CEP112: variants seen among roughly 807,000 people sequenced by gnomAD.
CEP112 encodes centrosomal protein 112.
CEP112 carries 127 observed loss-of-function variants against 153.0 expected under a neutral mutation model. The ratio of observed to expected loss-of-function variants is 0.83; its 90% confidence interval spans 0.72 to 0.96. The LOEUF is 0.96. Ranked by LOEUF, CEP112 falls within the 40% of genes least tolerant of loss-of-function variation. The pLI, the probability that CEP112 is intolerant of heterozygous loss-of-function variation, is 0.00. For missense variants in CEP112, 1,089 were observed against 1,101.2 expected, an observed-to-expected ratio of 0.99 and a Z score of 0.16; for synonymous variants, 358 against 374.4, an observed-to-expected ratio of 0.96 and a Z score of 0.51.
At chr17:65,819,805 A>G (rs967643824) in intron 21 of CEP112, among the ~76,000 whole-genome samples, 3 of 152,192 alleles carry the variant, frequency 2.0e-5, no homozygotes, top group African/African-American at 7.2e-5. Flanking sequence ...AAGATCAGGA[A>G]AGACAGGGGA....
chr17:65,837,002 G>A (rs1188507687), intron 21 of CEP112, among the ~76,000 whole-genome samples: 5 of 152,192 alleles, frequency 3.3e-5, no homozygotes, highest in African/African-American at 4.8e-5. Flanking sequence ...ACGGGGTTTC[G>A]CCGTGTTGGC....
chr17:66,116,661 A>C (rs373839194), intron 6 of CEP112, among the ~76,000 whole-genome samples: 2 of 152,126 alleles, frequency 1.3e-5, no homozygotes, highest in African/African-American at 2.4e-5. Flanking sequence ...GCTTTATTCA[A>C]ATGAACTCAT....
At chr17:65,870,094 G>GAAAGAAAAGAAAGAAAT (rs1490459702) in intron 20 of CEP112, among the ~76,000 whole-genome samples, 3 of 125,374 alleles carry the variant, frequency 2.4e-5, no homozygotes, top group African/African-American at 8.3e-5. Context: ...AAGAAAGAAA[G>GAAAGAAAAGAAAGAAAT]AGAAAATACA....
At chr17:65,881,555 A>G (rs1472372676) in intron 20 of CEP112, among the ~76,000 whole-genome samples, 4 of 152,210 alleles carry the variant, frequency 2.6e-5, no homozygotes, top group Non-Finnish European at 2.9e-5. Flanking sequence ...GTTTCTGAAG[A>G]TGATCTCAGA....
intron 23 of CEP112, among the ~76,000 whole-genome samples, chr17:65,718,667 T>C (rs1038888310): frequency 6.6e-6 from 1 of 152,192 alleles, no homozygotes; most frequent in Non-Finnish European, 1.5e-5. Flanking sequence ...GATTTTTATG[T>C]CATGAAATAA....
chr17:65,654,975 T>C (rs1347239511), intron 24 of CEP112: 4 of 686,348 alleles, frequency 5.8e-6, no homozygotes, highest in Admixed American at 1.8e-5. Context: ...CCAATAGTGA[T>C]TGGCAAAGGG....
At chr17:65,802,349 C>T (rs891265590) in intron 21 of CEP112, among the ~76,000 whole-genome samples, 1 of 152,120 alleles carries the variant, frequency 6.6e-6, no homozygotes, top group African/African-American at 2.4e-5. Flanking sequence ...TTTCTCTGGG[C>T]AATATCATAC....
intron 21 of CEP112, among the ~76,000 whole-genome samples, chr17:65,839,729 A>G (rs188152239): frequency 1.1e-4 from 17 of 152,266 alleles, no homozygotes; most frequent in South Asian, 4.1e-4. Flanking sequence ...AAGAAGTCAA[A>G]TTATCCTTAT....
At chr17:65,971,648 T>C (rs750606527) in intron 17 of CEP112, among the ~76,000 whole-genome samples, 1 of 132,910 alleles carries the variant, frequency 7.5e-6, no homozygotes, top group South Asian at 3.1e-4. Context: ...TTATATTGCA[T>C]GCATGTCACA....
At position 65,849,613 on chromosome 17, in the gene CEP112, C is replaced by A. The variant is rs146060893; in HGVS notation, c.2394+2191G>T. On this transcript the variant is annotated intron_variant, in intron 21 of 26. Transcript: ENST00000535342. ...GTGAATATATAATGCAGGAAAATTA[C>A]GGCCTAAATTGGATGTGTTATATGT... Among the ~76,000 whole-genome samples, 376 of 152,250 alleles carry A rather than the reference C, an allele frequency of 2.5e-3. 1 individual carries two copies. The highest frequency in any genetic ancestry group is 8.5e-3 in the African/African-American group (355 of 41,548).
chr17:65,682,209 G>C (rs1022363771), intron 24 of CEP112, among the ~76,000 whole-genome samples: 2 of 150,782 alleles, frequency 1.3e-5, no homozygotes, highest in Non-Finnish European at 1.5e-5. Context: ...GGTCAGGCTG[G>C]CCTTGAGCTC....
chr17:66,189,817 T>G (rs140458152), intron 1 of CEP112, among the ~76,000 whole-genome samples: 5,199 of 151,990 alleles, frequency 0.034, 131 homozygotes, highest in Middle Eastern at 0.061. Flanking sequence ...GATCATTTGA[T>G]CCCAGGAGTT....
At chr17:65,683,457 A>AG in intron 24 of CEP112, among the ~76,000 whole-genome samples, 1 of 152,312 alleles carries the variant, frequency 6.6e-6, no homozygotes. Flanking sequence ...CCCGGGGGCA[A>AG]CCCAAGACAG....
chr17:65,657,417 G>A (rs1320955171), intron 24 of CEP112, among the ~76,000 whole-genome samples: 1 of 152,224 alleles, frequency 6.6e-6, no homozygotes, highest in Non-Finnish European at 1.5e-5. Context: ...CATGGGATGA[G>A]AAAGGCTGAA....
chr17:65,686,674 G>C (rs1426937716), intron 24 of CEP112, among the ~76,000 whole-genome samples: 1 of 152,248 alleles, frequency 6.6e-6, no homozygotes, highest in South Asian at 2.1e-4. Flanking sequence ...GCTCCCATCC[G>C]AGGAGGCATT....
chr17:65,729,883 A>G (rs972478960), intron 23 of CEP112, among the ~76,000 whole-genome samples: 2 of 152,008 alleles, frequency 1.3e-5, no homozygotes, highest in African/African-American at 2.4e-5. Flanking sequence ...ACTGCACTCC[A>G]GCCTGGGCCA....
chr17:65,665,663 T>A (rs571512431), intron 24 of CEP112, among the ~76,000 whole-genome samples: 27 of 152,164 alleles, frequency 1.8e-4, no homozygotes, highest in Non-Finnish European at 3.7e-4. Context: ...GAGAGAATAA[T>A]TGGCTTTTGG....
intron 23 of CEP112, among the ~76,000 whole-genome samples, chr17:65,690,733 G>GAC (rs2048069339): frequency 1.3e-5 from 2 of 152,200 alleles, no homozygotes; most frequent in African/African-American, 2.4e-5. Flanking sequence ...GAGATGGTAT[G>GAC]TTTGTGGAAG....
chr17:66,124,074 C>A (rs1035611886), intron 6 of CEP112, among the ~76,000 whole-genome samples: 2 of 152,300 alleles, frequency 1.3e-5, no homozygotes, highest in Admixed American at 1.3e-4. Flanking sequence ...CTGCCTCTCA[C>A]ATGTACCACT....
Sources: gnomAD v4.1 joint callset for allele counts (sites outside exome capture counted in the v4.1 genomes callset) on GRCh38, gnomAD v4.1.1 for gene constraint, MANE v1.5 for transcripts, NCBI Gene and HGNC (gene_info 2026-07-23, HGNC 2026-07-21) for gene names.